GPM6B: variants seen among roughly 807,000 people sequenced by gnomAD.
GPM6B encodes glycoprotein M6B.
GPM6B carries 4 observed loss-of-function variants against 27.2 expected under a neutral mutation model. The observed-to-expected ratio is 0.15, with a 90% confidence interval of 0.07 to 0.34. The LOEUF (loss-of-function observed/expected upper bound fraction) is 0.34, where lower values mean the gene tolerates loss of function less well. GPM6B is among the 10% of genes least tolerant of loss of function. The pLI, the probability that GPM6B is intolerant of heterozygous loss-of-function variation, is 1.00. For missense variants in GPM6B, 183 were observed against 261.9 expected, an observed-to-expected ratio of 0.70 and a Z score of 2.08; for synonymous variants, 124 against 103.1, an observed-to-expected ratio of 1.20 and a Z score of -1.23.
At chrX:13,861,988 G>A (rs914443803) in intron 1 of GPM6B, among the ~76,000 whole-genome samples, 10 of 111,308 alleles carry the variant, frequency 9.0e-5, no homozygotes, top group African/African-American at 3.3e-4. Flanking sequence ...ATCTGGCTCA[G>A]TACAGCTCAG....
intron 6 of GPM6B, 31 bp from the exon 7 acceptor site, chrX:13,776,334 T>TTTGATG: frequency 9.0e-7 from 1 of 1,116,842 alleles, no homozygotes; most frequent in African/African-American, 1.8e-5. Context: ...AACATAAGCA[T>TTTGATG]TTGATGTTAA....
At chrX:13,895,362 G>A (rs2050223277) in intron 1 of GPM6B, among the ~76,000 whole-genome samples, 1 of 109,510 alleles carries the variant, frequency 9.1e-6, no homozygotes, top group African/African-American at 3.3e-5. Context: ...CATTTCCCTA[G>A]AGGAGAATAA....
intron 2 of GPM6B, among the ~76,000 whole-genome samples, chrX:13,799,190 ATTTTTTTTTTTTTTTTTT>A (rs763194245): frequency 3.9e-4 from 14 of 35,969 alleles, no homozygotes; most frequent in East Asian, 1.0e-3. Context: ...AGCCAACCTA[ATTTTTTTTTTTTTTTTTT>A]TTTTTTTTTT....
chrX:13,774,047 A>T, intron 7 of GPM6B: 1 of 743,467 alleles, frequency 1.3e-6, no homozygotes, highest in Non-Finnish European at 1.6e-6. Flanking sequence ...TTGGTAGTGA[A>T]CCATGTGATC....
At chrX:13,833,836 G>C (rs1603060581) in intron 1 of GPM6B, among the ~76,000 whole-genome samples, 3 of 112,824 alleles carry the variant, frequency 2.7e-5, no homozygotes, top group East Asian at 2.8e-4. Context: ...CTTTCTAAGT[G>C]GTAACTAAGT....
chrX:13,868,485 G>A (rs2049942755), intron 1 of GPM6B, among the ~76,000 whole-genome samples: 1 of 111,755 alleles, frequency 8.9e-6, no homozygotes, highest in Non-Finnish European at 1.9e-5. Flanking sequence ...AATAGAACAT[G>A]AATTAGATAT....
At chrX:13,890,731 C>G (rs1263223117) in intron 1 of GPM6B, among the ~76,000 whole-genome samples, 1 of 111,224 alleles carries the variant, frequency 9.0e-6, no homozygotes, top group Non-Finnish European at 1.9e-5. Context: ...ACCCCCAACT[C>G]CAGTTGTGAC....
At chrX:13,929,758 C>T (rs750856930) in intron 1 of GPM6B, among the ~76,000 whole-genome samples, 11 of 111,336 alleles carry the variant, frequency 9.9e-5, no homozygotes, top group Admixed American at 8.6e-4. Flanking sequence ...CTCTATAATG[C>T]GCAGGACAGC....
chrX:13,797,208 C>A (rs1176513038), intron 2 of GPM6B, among the ~76,000 whole-genome samples: 1 of 111,847 alleles, frequency 8.9e-6, no homozygotes, highest in Non-Finnish European at 1.9e-5. Context: ...GTGGGGTCTG[C>A]AAGTGTGCCC....
At chrX:13,931,588 C>A (rs1026499756) in intron 1 of GPM6B, among the ~76,000 whole-genome samples, 2 of 111,645 alleles carry the variant, frequency 1.8e-5, no homozygotes, top group African/African-American at 6.5e-5. Context: ...ATCCTCAACC[C>A]CTCTGTAGTC....
chrX:13,783,260 C>CCA, intron 4 of GPM6B, 105 bp downstream of exon 4: 1 of 649,877 alleles, frequency 1.5e-6, no homozygotes, highest in Non-Finnish European at 2.3e-6. Context: ...CATGGACCCT[C>CCA]CATTCACGCT....
At chrX:13,880,458 C>G (rs1417632032) in intron 1 of GPM6B, among the ~76,000 whole-genome samples, 2 of 109,802 alleles carry the variant, frequency 1.8e-5, no homozygotes, top group African/African-American at 3.3e-5. Flanking sequence ...GGCGGGTCAC[C>G]AGGTCAGGAG....
intron 2 of GPM6B, among the ~76,000 whole-genome samples, chrX:13,793,855 T>C (rs1163010424): frequency 9.0e-6 from 1 of 111,601 alleles, no homozygotes; most frequent in African/African-American, 3.3e-5. Flanking sequence ...GTCAGCAAAC[T>C]GTGGCCCACC....
chrX:13,852,909 T>C (rs2147243289), intron 1 of GPM6B, among the ~76,000 whole-genome samples: 1 of 109,536 alleles, frequency 9.1e-6, no homozygotes, highest in East Asian at 2.9e-4. Context: ...GCCTCCCAAG[T>C]AGCTAAGACT....
rs187503003 is a variant in GPM6B, at chrX:13,841,631, C to A, written c.-197-55823G>T. ...CCCTCACCCCTTTCTTCAGCCTCTC[C>A]TCCTGGCCTCAGACTTGGGTGGAGG... is the stretch of plus-strand genomic sequence containing the variant. On this transcript the variant is annotated intron_variant, in intron 1 of 6. Transcript: ENST00000398361. 3.2e-3 allele frequency among the ~76,000 whole-genome samples: 358 copies of A among 111,661 alleles called. 1 individual carries two copies. Among genetic ancestry groups the A allele is most frequent in the Non-Finnish European group, 5.0e-3 (268 of 53,145 alleles).
At chrX:13,889,303 G>A (rs947171760) in intron 1 of GPM6B, 14 of 111,898 alleles carry the variant, frequency 1.3e-4, no homozygotes, top group African/African-American at 4.2e-4. Flanking sequence ...TGTGGATAAT[G>A]GCTAATTCCT....
intron 1 of GPM6B, among the ~76,000 whole-genome samples, chrX:13,873,249 C>A (rs745485708): frequency 3.5e-4 from 39 of 110,338 alleles, no homozygotes; most frequent in Non-Finnish European, 6.8e-4. Context: ...AAGTGCTTTG[C>A]CCCCACTACA....
At chrX:13,860,800 G>A (rs760734581) in intron 1 of GPM6B, among the ~76,000 whole-genome samples, 4 of 106,974 alleles carry the variant, frequency 3.7e-5, no homozygotes, top group East Asian at 2.9e-4. Flanking sequence ...CTTTCCCCCC[G>A]AGTCCCCAAA....
intron 2 of GPM6B, among the ~76,000 whole-genome samples, chrX:13,799,190 A>ATTTTTTTTTT (rs763194245): frequency 1.7e-4 from 6 of 35,969 alleles, no homozygotes; most frequent in Admixed American, 4.6e-4. Context: ...AGCCAACCTA[A>ATTTTTTTTTT]TTTTTTTTTT....
Sources: allele counts gnomAD v4.1 joint callset (sites outside exome capture counted in the v4.1 genomes callset), GRCh38; gene constraint gnomAD v4.1.1; transcripts MANE v1.5; gene names NCBI Gene and HGNC (gene_info 2026-07-23, HGNC 2026-07-21).